Variants in CLCA4 observed in about 807,000 individuals in gnomAD.
CLCA4 encodes calcium-activated chloride channel regulator 4.
CLCA4 carries 69 observed loss-of-function variants against 78.9 expected under a neutral mutation model. The ratio of observed to expected loss-of-function variants is 0.87; its 90% CI spans 0.72 to 1.07. The LOEUF is 1.07. CLCA4 is among the 50% of genes least tolerant of loss of function. The pLI, the probability that CLCA4 is intolerant of heterozygous loss-of-function variation, is 0.00. For missense variants in CLCA4, 1,133 were observed against 1,095.8 expected, an observed-to-expected ratio of 1.03 and a Z score of -0.48; for synonymous variants, 362 against 375.8, an observed-to-expected ratio of 0.96 and a Z score of 0.42.
intron 1 of CLCA4, 87 bp downstream of exon 1, chr1:86,547,365 T>C: frequency 9.7e-7 from 1 of 1,033,400 alleles, no homozygotes; most frequent in African/African-American, 1.7e-5. Flanking sequence ...ATTTATGGCA[T>C]ACAAAGTAGT....
intron 1 of CLCA4, among the ~76,000 whole-genome samples, chr1:86,557,682 A>G (rs1031757978): frequency 6.6e-6 from 1 of 152,118 alleles, no homozygotes; most frequent in Non-Finnish European, 1.5e-5. Flanking sequence ...AGAAGAATGT[A>G]TATTCTGTTG....
chr1:86,575,249 T>C (rs1650473803), intron 10 of CLCA4, 83 bp from the exon 11 acceptor site: 5 of 1,168,338 alleles, frequency 4.3e-6, no homozygotes, highest in South Asian at 3.0e-5. Context: ...CCCCATTATA[T>C]AATTTATTTT....
At chr1:86,559,352 G>A (rs1016689446) in intron 1 of CLCA4, among the ~76,000 whole-genome samples, 2 of 152,024 alleles carry the variant, frequency 1.3e-5, no homozygotes, top group African/African-American at 4.8e-5. Context: ...CCTAAGGTTG[G>A]GATGAGAAAC....
At chr1:86,567,274 A>T in intron 6 of CLCA4, 150 bp from the exon 7 acceptor site, 1 of 686,276 alleles carries the variant, frequency 1.5e-6, no homozygotes, top group Non-Finnish European at 2.4e-6. Flanking sequence ...TAATGTTATC[A>T]ATTAAAAATT....
At chr1:86,548,526 C>CA (rs1314382904) in intron 1 of CLCA4, among the ~76,000 whole-genome samples, 1 of 151,374 alleles carries the variant, frequency 6.6e-6, no homozygotes, top group Non-Finnish European at 1.5e-5. Flanking sequence ...ACTAAAAATA[C>CA]AAAAAATTAG....
At chr1:86,574,344 T>G (rs562940290) in intron 9 of CLCA4, among the ~76,000 whole-genome samples, 196 bp from the exon 10 acceptor site, 1 of 152,192 alleles carries the variant, frequency 6.6e-6, no homozygotes, top group East Asian at 1.9e-4. Context: ...CTCTACATGT[T>G]TCTGCTCTAA....
intron 1 of CLCA4, among the ~76,000 whole-genome samples, chr1:86,551,172 T>C (rs1649650831): frequency 6.6e-6 from 1 of 152,116 alleles, no homozygotes; most frequent in African/African-American, 2.4e-5. Context: ...TTATCCAAAA[T>C]GAGTTTGTGT....
Position 86,577,979 on chromosome 1 carries a change from A to T in CLCA4, c.2029A>T (p.Lys677Ter). ...TACAGAAAATGGCAGATATAGCTTA[A>T]AAGTTCGGGCTCATGGAGGAGCAAA... The part of the protein sequence containing the change: ...AYTENGRYSL[K>*]VRAHGGANTA... The change falls in exon 12 of 14, where the codon AAA (lysine) becomes TAA (stop). Residue 677 changes from lysine (K) to a stop codon, truncating the protein, a stop_gained. Coordinates refer to ENST00000370563, the MANE Select transcript of CLCA4 (RefSeq NM_012128.4). LOFTEE classifies it high-confidence loss of function. The T allele has an allele frequency of 6.2e-7, 1 of 1,612,920 alleles. No individual in the cohort carries two copies. The highest frequency in any genetic ancestry group is 8.5e-7 in the Non-Finnish European group (1 of 1,179,352).
chr1:86,547,882 G>C (rs1298595529), intron 1 of CLCA4, among the ~76,000 whole-genome samples: 1 of 152,154 alleles, frequency 6.6e-6, no homozygotes, highest in African/African-American at 2.4e-5. Flanking sequence ...CACTTAGGTT[G>C]ACTTCACATC....
intron 1 of CLCA4, among the ~76,000 whole-genome samples, chr1:86,547,738 C>T (rs1649543190): frequency 6.6e-6 from 1 of 152,122 alleles, no homozygotes; most frequent in Non-Finnish European, 1.5e-5. Flanking sequence ...CTGTGCCTGG[C>T]TTATTTCATT....
chr1:86,554,934 G>T (rs10782575), intron 1 of CLCA4, among the ~76,000 whole-genome samples: 97,119 of 150,812 alleles, frequency 0.64, 31,465 homozygotes, highest in East Asian at 0.93. Context: ...GGGTTTTTTT[G>T]TGTGTGTGTT....
intron 1 of CLCA4, chr1:86,552,599 C>T (rs766916817): frequency 1.4e-5 from 9 of 626,892 alleles, no homozygotes; most frequent in Non-Finnish European, 2.0e-5. Flanking sequence ...GACACAGCTG[C>T]GAGCGCTCAG....
intron 1 of CLCA4, 90 bp from the exon 2 acceptor site, chr1:86,559,842 T>C: frequency 9.7e-7 from 1 of 1,029,506 alleles, no homozygotes; most frequent in Non-Finnish European, 1.5e-6. Context: ...TTCTGTCCAC[T>C]CTTAAGTTGG....
rs931876813 is a variant in CLCA4 at position 86,566,798 on chromosome 1, C to G, written c.955-626C>G. 2.0e-5 allele frequency among the ~76,000 whole-genome samples: 3 copies of G among 152,036 alleles called. No homozygotes were observed. The South Asian group carries it at 6.2e-4, about 32-fold the overall frequency. ...AGACAAATGCATGAAAAAGCTTACACCTTAGACAATCCCCTCCGAAAGAGG... is the reference window on the plus strand; with the variant it reads ...AGACAAATGCATGAAAAAGCTTACAGCTTAGACAATCCCCTCCGAAAGAGG... On this transcript the variant is annotated intron_variant, in intron 6 of 13. Coordinates refer to ENST00000370563, the MANE Select transcript of CLCA4 (RefSeq NM_012128.4).
At chr1:86,568,350 A>C (rs1463388240) in intron 7 of CLCA4, among the ~76,000 whole-genome samples, 1 of 148,988 alleles carries the variant, frequency 6.7e-6, no homozygotes, top group Admixed American at 6.7e-5. Context: ...GTAAATATCT[A>C]CTTCATATAC....
At chr1:86,565,624 A>G (rs1650159047) in intron 5 of CLCA4, among the ~76,000 whole-genome samples, 173 bp downstream of exon 5, 1 of 152,068 alleles carries the variant, frequency 6.6e-6, no homozygotes, top group South Asian at 2.1e-4. Flanking sequence ...ATCTATTATT[A>G]CGTTACCATA....
At chr1:86,553,243 G>C in intron 1 of CLCA4, 2 of 981,384 alleles carry the variant, frequency 2.0e-6, no homozygotes, top group Non-Finnish European at 3.2e-6. Flanking sequence ...AGGGACTGCC[G>C]CTGCAAGCTG....
chr1:86,559,731 TGAG>T (rs748606880), intron 1 of CLCA4, among the ~76,000 whole-genome samples, 198 bp from the exon 2 acceptor site: 13 of 152,214 alleles, frequency 8.5e-5, no homozygotes, highest in Non-Finnish European at 1.9e-4. Context: ...TATAGAAGAC[TGAG>T]GAGGCTTTCA....
chr1:86,578,040 G>C lies in CLCA4; in HGVS notation c.2090G>C (p.Arg697Thr), dbSNP rs537277586. The change falls in exon 12 of 14, where the codon AGA (arginine) becomes ACA (threonine). Residue 697 changes from arginine (R) to threonine (T), a missense_variant. By Grantham distance (71) the Arg-to-Thr change is moderately conservative. Transcript: ENST00000370563. ...CTAAAATTACGGCCTCCACTGAATAGAGCCGCGTACATACCAGGCTGGGTA... is the reference window on the plus strand; with the variant it reads ...CTAAAATTACGGCCTCCACTGAATACAGCCGCGTACATACCAGGCTGGGTA... ...ARLKLRPPLN[R>T]AAYIPGWVVN... 12 of 1,612,558 alleles carry C rather than the reference G, an allele frequency of 7.4e-6. No homozygotes were observed. Among genetic ancestry groups the C allele is most frequent in the Non-Finnish European group, 7.6e-6 (9 of 1,179,224 alleles).
Sources: allele counts gnomAD v4.1 joint callset (sites outside exome capture counted in the v4.1 genomes callset), GRCh38; gene constraint gnomAD v4.1.1; transcripts MANE v1.5; gene names NCBI Gene and HGNC (gene_info 2026-07-23, HGNC 2026-07-21).